KIF1B: variants seen among roughly 807,000 people sequenced by gnomAD.
The protein encoded by KIF1B is kinesin-like protein KIF1B.
In KIF1B, 76 loss-of-function variants were observed where a neutral mutation model predicts 241.9. The observed-to-expected ratio is 0.31, with a 90% CI of 0.26 to 0.38. KIF1B has a LOEUF of 0.38. Ranked by LOEUF, KIF1B falls within the 10% of genes least tolerant of loss-of-function variation. The probability of loss-of-function intolerance (pLI) is 1.00; values close to 1 mark genes in which losing one functional copy is unlikely to be tolerated. For synonymous variants in KIF1B, 750 were observed against 796.7 expected, an observed-to-expected ratio of 0.94 and a Z score of 0.99; for missense variants, 1,622 against 2,271.4, an observed-to-expected ratio of 0.71 and a Z score of 5.81.
intron 43 of KIF1B, among the ~76,000 whole-genome samples, chr1:10,366,246 A>G (rs1359574187): frequency 2.0e-5 from 3 of 152,118 alleles, no homozygotes; most frequent in Non-Finnish European, 4.4e-5. Flanking sequence ...ATAAAATAAA[A>G]TAATAAAAAA....
rs1391148423 is a variant in KIF1B, at chr1:10,365,083, G to C, written c.4367-17G>C. The C allele has an allele frequency of 6.2e-7, 1 of 1,607,112 alleles. No individual in the cohort carries two copies. The highest frequency in any genetic ancestry group is 1.1e-5 in the South Asian group (1 of 90,730). ...AATTTTTTTTCTGAAACAAAAACTT[G>C]TTTCCTCTTGTCTTAGGTATGCAGA... On this transcript the variant is annotated splice_polypyrimidine_tract_variant and intron_variant, in intron 41 of 48. Transcript: ENST00000676179. The surrounding 1 kb of genome is among the most constrained non-coding windows in gnomAD (Gnocchi z 4.0).
intron 14 of KIF1B, among the ~76,000 whole-genome samples, chr1:10,281,713 A>G (rs1039633140): frequency 6.6e-6 from 1 of 152,218 alleles, no homozygotes; most frequent in African/African-American, 2.4e-5. Context: ...TCTCATTTCT[A>G]TAATTACCCC....
chr1:10,278,381 A>G (rs1245586961), intron 13 of KIF1B, among the ~76,000 whole-genome samples: 10 of 152,196 alleles, frequency 6.6e-5, no homozygotes, highest in Non-Finnish European at 1.3e-4. Flanking sequence ...CAAATATGTC[A>G]CTAGTATTTT....
chr1:10,256,376 C>T (rs1647781718), intron 3 of KIF1B, 53 bp downstream of exon 3: 2 of 1,250,352 alleles, frequency 1.6e-6, no homozygotes, highest in East Asian at 4.6e-5. Flanking sequence ...TTCCTCTTTC[C>T]TTGCCGATTT....
chr1:10,236,971 T>C lies in KIF1B; in HGVS notation c.106+4537T>C, dbSNP rs548492055. 9.8e-4 allele frequency among the ~76,000 whole-genome samples: 150 copies of C among 152,316 alleles called. 1 individual carries two copies. Among genetic ancestry groups the C allele is most frequent in the African/African-American group, 3.3e-3 (138 of 41,572 alleles). On this transcript the variant is annotated intron_variant, in intron 2 of 48. Transcript: ENST00000676179. ...GCTTTGCTGGCAAGCTGGCCTGGAC[T>C]GTTGCTCACAAGGATTATAACTGAT...
chr1:10,281,775 A>G (rs1267463192), intron 14 of KIF1B, among the ~76,000 whole-genome samples: 1 of 152,252 alleles, frequency 6.6e-6, no homozygotes, highest in African/African-American at 2.4e-5. Context: ...AAATGTTGCC[A>G]TACAAAGCAT....
chr1:10,234,158 A>G (rs1216846612), intron 2 of KIF1B, among the ~76,000 whole-genome samples: 1 of 151,740 alleles, frequency 6.6e-6, no homozygotes, highest in Non-Finnish European at 1.5e-5. Flanking sequence ...GTTTGCTGTA[A>G]TGTTAGGCTG....
Position 10,374,187 on chromosome 1 carries a change from G to T in KIF1B, c.4947-129G>T. On this transcript the variant is annotated intron_variant, in intron 45 of 48. Coordinates refer to ENST00000676179, the MANE Select transcript of KIF1B (RefSeq NM_001365951.3). The surrounding 1 kb of genome is among the most constrained non-coding windows in gnomAD (Gnocchi z 4.3). ...GCTTGTCTCCTCAGCTGAGCTCTCTGCAACTCAAGTTTGCAGCTGGGGTTT... is the reference window on the plus strand; with the variant it reads ...GCTTGTCTCCTCAGCTGAGCTCTCTTCAACTCAAGTTTGCAGCTGGGGTTT... 1.0e-6 allele frequency: 1 copy of T among 956,492 alleles called. No individual in the cohort carries two copies. The highest frequency in any genetic ancestry group is 1.7e-5 in the Admixed American group (1 of 57,194). The allele number at this position is 956,492 out of a possible 1,614,324, so 59.3% of individuals were successfully genotyped here.
intron 22 of KIF1B, among the ~76,000 whole-genome samples, chr1:10,312,391 C>T (rs1316467149): frequency 3.3e-5 from 5 of 151,414 alleles, no homozygotes; most frequent in Non-Finnish European, 4.4e-5. Flanking sequence ...GCCTCATGAC[C>T]ATTCTTCTTA....
chr1:10,331,917 T>C (rs1651955418), intron 27 of KIF1B, among the ~76,000 whole-genome samples: 1 of 152,244 alleles, frequency 6.6e-6, no homozygotes, highest in African/African-American at 2.4e-5. Context: ...ACAAATGTGA[T>C]AGGACTTTGC....
chr1:10,221,759 T>C (rs1471972273), intron 1 of KIF1B, among the ~76,000 whole-genome samples: 1 of 152,242 alleles, frequency 6.6e-6, no homozygotes, highest in Admixed American at 6.5e-5. Context: ...GAAAATGTTA[T>C]ATTTTAAATA....
At chr1:10,375,127 G>A in intron 47 of KIF1B, 81 bp downstream of exon 47, 1 of 1,535,358 alleles carries the variant, frequency 6.5e-7, no homozygotes, top group East Asian at 2.2e-5. Context: ...TACGTGGTGT[G>A]AAATTTCCCT....
chr1:10,365,696 A>C lies in KIF1B; in HGVS notation c.4752+48A>C, dbSNP rs553606185. ...TGAACGTCTTCCCACAAGGCTCCAC[A>C]AACTAGCCTCTCGGTTTATTCATTT... On this transcript the variant is annotated intron_variant, in intron 43 of 48. Coordinates refer to ENST00000676179, the MANE Select transcript of KIF1B (RefSeq NM_001365951.3). The surrounding 1 kb of genome is among the most constrained non-coding windows in gnomAD (Gnocchi z 4.0). 20 of 1,612,226 alleles carry C rather than the reference A, an allele frequency of 1.2e-5. No individual in the cohort carries two copies. The African/African-American group carries it at 2.5e-4, about 20-fold the overall frequency.
chr1:10,237,466 T>C (rs1227137433), intron 2 of KIF1B, among the ~76,000 whole-genome samples: 1 of 152,208 alleles, frequency 6.6e-6, no homozygotes, highest in Non-Finnish European at 1.5e-5. Context: ...TATTTTACTT[T>C]ATTTTTACCC....
chr1:10,364,821 A>G (rs1227169616), intron 41 of KIF1B, among the ~76,000 whole-genome samples: 1 of 151,666 alleles, frequency 6.6e-6, no homozygotes, highest in African/African-American at 2.4e-5. Flanking sequence ...CCTGGCTAAC[A>G]CAGTGAAACC....
chr1:10,320,706 A>G (rs147000812), intron 23 of KIF1B, among the ~76,000 whole-genome samples: 5 of 128,114 alleles, frequency 3.9e-5, no homozygotes, highest in East Asian at 4.4e-4. Context: ...TAATTTATGT[A>G]TTACATTTCT....
At position 10,326,282 on chromosome 1, in the gene KIF1B, G is replaced by A. The variant is rs1231049477; in HGVS notation, c.2847G>A (p.Thr949=). 1.5e-5 allele frequency: 24 copies of A among 1,614,088 alleles called. No individual in the cohort carries two copies. Among genetic ancestry groups the A allele is most frequent in the Admixed American group, 3.3e-5 (2 of 60,000 alleles). Residue 949 remains threonine (T), a synonymous_variant, in exon 27 of 49, where the codon ACG becomes ACA. Transcript: ENST00000676179. The surrounding 1 kb of genome is among the most constrained non-coding windows in gnomAD (Gnocchi z 5.2). ...ATGACGCCGGCTCTGACGCAGGGAC[G>A]GAGGAGGGATCAGATCTCTTCAGTG... ...FVDDAGSDAG[T]EEGSDLFSDG...
At position 10,296,846 on chromosome 1, in the gene KIF1B, C is replaced by G. The variant is rs772525224; in HGVS notation, c.1862-51C>G. ...GAGGGGTGAGGTTGTTAAATAGATA[C>G]TATATATTAAAAAAATTATTTCTTA... On this transcript the variant is annotated intron_variant, in intron 20 of 48. Coordinates refer to ENST00000676179, the MANE Select transcript of KIF1B (RefSeq NM_001365951.3). The G allele has an allele frequency of 2.6e-6, 4 of 1,513,336 alleles. No homozygotes were observed. In the East Asian group the frequency reaches 7.2e-5, roughly 27 times the overall value. The allele number at this position is 1,513,336 out of a possible 1,614,324, so 93.7% of individuals were successfully genotyped here.
At chr1:10,323,569 CTGTGATTGCA>C (rs1651606025) in intron 24 of KIF1B, among the ~76,000 whole-genome samples, 1 of 152,190 alleles carries the variant, frequency 6.6e-6, no homozygotes. Flanking sequence ...CTACAGTGCT[CTGTGATTGCA>C]TCACTGCACC....
Sources: allele counts gnomAD v4.1 joint callset (sites outside exome capture counted in the v4.1 genomes callset), GRCh38; gene constraint gnomAD v4.1.1; non-coding constraint Gnocchi (gnomAD v3.1); transcripts MANE v1.5; gene names NCBI Gene and HGNC (gene_info 2026-07-23, HGNC 2026-07-21).